TRMT1L: variants seen among roughly 807,000 people sequenced by gnomAD.
TRMT1L encodes tRNA methyltransferase 1L.
Under a neutral mutation model 81.6 loss-of-function variants are expected in TRMT1L, and 28 were observed. The observed-to-expected ratio is 0.34, with a 90% CI of 0.25 to 0.47. The LOEUF (loss-of-function observed/expected upper bound fraction) is 0.47. Among genes scored for constraint, TRMT1L ranks in the 20% least tolerant of loss-of-function variants. The probability of loss-of-function intolerance (pLI) is 1.00; values close to 1 mark genes in which losing one functional copy is unlikely to be tolerated. For missense variants in TRMT1L, 739 were observed against 877.1 expected (o/e 0.84, Z 1.99); for synonymous variants, 301 against 303.2 (o/e 0.99, Z 0.07).
chr1:185,128,046 G>T (rs148123303), intron 11 of TRMT1L, among the ~76,000 whole-genome samples: 2 of 151,830 alleles, frequency 1.3e-5, no homozygotes, highest in African/African-American at 4.8e-5. Flanking sequence ...CCTAGGAGGT[G>T]GAGGTTGCAG....
chr1:185,148,957 A>G (rs1224196336), intron 3 of TRMT1L, among the ~76,000 whole-genome samples: 1 of 152,146 alleles, frequency 6.6e-6, no homozygotes, highest in African/African-American at 2.4e-5. Context: ...CATATTTTAC[A>G]ATTTCTGTGC....
chr1:185,136,920 CTCTT>C (rs1434253510), intron 10 of TRMT1L, among the ~76,000 whole-genome samples: 2 of 152,084 alleles, frequency 1.3e-5, no homozygotes, highest in South Asian at 2.1e-4. Context: ...AATAGGAAAG[CTCTT>C]TCTAACTACA....
chr1:185,139,639 TGTAA>T, intron 8 of TRMT1L, 60 bp from the exon 9 acceptor site: 1 of 1,123,568 alleles, frequency 8.9e-7, no homozygotes. Flanking sequence ...ATTATACCAC[TGTAA>T]TTATTTCTAA....
chr1:185,127,743 G>C (rs1164660677), intron 11 of TRMT1L, among the ~76,000 whole-genome samples: 1 of 122,658 alleles, frequency 8.2e-6, no homozygotes, highest in African/African-American at 3.2e-5. Context: ...TGGGCAACAA[G>C]AGTGAAACTC....
rs1160375493 is a variant in TRMT1L, at chr1:185,118,203, A to G, written c.*1816T>C. ...TTACTACTATTGTTACGAGAATAAGATTGCTCAGGTTGCTAAAAGGAATTT... is the reference window on the plus strand; with the variant it reads ...TTACTACTATTGTTACGAGAATAAGGTTGCTCAGGTTGCTAAAAGGAATTT... On this transcript the variant is annotated 3_prime_UTR_variant, in exon 15 of 15. Coordinates refer to ENST00000367506, the MANE Select transcript of TRMT1L (RefSeq NM_030934.5). 2 of 152,196 alleles carry G rather than the reference A, an allele frequency of 1.3e-5. No individual in the cohort carries two copies. The highest frequency in any genetic ancestry group is 2.9e-5 in the Non-Finnish European group (2 of 68,030). 9.4% of individuals were successfully genotyped at this position (152,196 alleles called of 1,614,324 possible).
chr1:185,119,326 T>C lies in TRMT1L; in HGVS notation c.*693A>G, dbSNP rs1434802913. 6.6e-6 allele frequency: 1 copy of C among 152,168 alleles called. No homozygotes were observed. The highest frequency in any genetic ancestry group is 1.5e-5 in the Non-Finnish European group (1 of 68,014). The allele number at this position is 152,168 out of a possible 1,614,324, so 9.4% of individuals were successfully genotyped here. A position where few individuals can be genotyped will look rare whatever the true frequency, so the allele number is the denominator to read the frequency against. On this transcript the variant is annotated 3_prime_UTR_variant, in exon 15 of 15. Transcript: ENST00000367506. ...CTCCTCTTCAGGATTTCAGTGCTCATGAACAAGTATTATATTAGATTAATG... is the reference window on the plus strand; with the variant it reads ...CTCCTCTTCAGGATTTCAGTGCTCACGAACAAGTATTATATTAGATTAATG...
intron 10 of TRMT1L, among the ~76,000 whole-genome samples, chr1:185,133,193 T>C (rs752720038): frequency 6.6e-6 from 1 of 152,182 alleles, no homozygotes; most frequent in Non-Finnish European, 1.5e-5. Context: ...AAGAGTTGCA[T>C]AAGAAAGGAA....
intron 11 of TRMT1L, among the ~76,000 whole-genome samples, chr1:185,128,016 AGG>A (rs1362280387): frequency 6.6e-6 from 1 of 151,942 alleles, no homozygotes; most frequent in African/African-American, 2.4e-5. Context: ...CAGGAGGCTG[AGG>A]CAGGAGAATC....
chr1:185,150,694 A>G (rs1193912678), intron 2 of TRMT1L, among the ~76,000 whole-genome samples: 2 of 149,946 alleles, frequency 1.3e-5, no homozygotes, highest in Non-Finnish European at 3.0e-5. Context: ...TTTTCACCCT[A>G]AAATTTCCCT....
At chr1:185,142,625 C>G (rs1200275214) in intron 7 of TRMT1L, among the ~76,000 whole-genome samples, 2 of 149,318 alleles carry the variant, frequency 1.3e-5, no homozygotes, top group Non-Finnish European at 3.0e-5. Context: ...CAGGTGCTGC[C>G]TGATTGCAGC....
intron 12 of TRMT1L, among the ~76,000 whole-genome samples, 177 bp from the exon 13 acceptor site, chr1:185,124,096 T>G (rs1472367367): frequency 2.6e-5 from 4 of 151,734 alleles, no homozygotes; most frequent in Non-Finnish European, 5.9e-5. Flanking sequence ...AATAGCAGTT[T>G]CTAATTATTT....
chr1:185,156,878 T>G lies in TRMT1L; in HGVS notation c.-166A>C. The G allele has an allele frequency of 4.3e-6, 4 of 928,190 alleles. No homozygotes were observed. The highest frequency in any genetic ancestry group is 1.7e-5 in the African/African-American group (1 of 57,448). 57.5% of individuals were successfully genotyped at this position (928,190 alleles called of 1,614,324 possible). On this transcript the variant is annotated 5_prime_UTR_variant, in exon 1 of 15. Coordinates refer to ENST00000367506, the MANE Select transcript of TRMT1L (RefSeq NM_030934.5). ...AAAAGATGAAGAACCAGTGACCAAATCCTGTTAGTAGAAAACAGAAAGCCA... is the reference window on the plus strand; with the variant it reads ...AAAAGATGAAGAACCAGTGACCAAAGCCTGTTAGTAGAAAACAGAAAGCCA...
intron 10 of TRMT1L, among the ~76,000 whole-genome samples, chr1:185,130,325 G>A (rs1652736783): frequency 2.0e-5 from 3 of 152,170 alleles, no homozygotes; most frequent in Non-Finnish European, 4.4e-5. Flanking sequence ...CTCTCTCTCT[G>A]CTGTCTCTTA....
chr1:185,137,531 T>C, intron 10 of TRMT1L, 75 bp downstream of exon 10: 1 of 1,376,396 alleles, frequency 7.3e-7, no homozygotes, highest in Non-Finnish European at 1.0e-6. Flanking sequence ...GACAACAATA[T>C]GTATAATTAG....
chr1:185,140,907 G>A (rs116459275), intron 7 of TRMT1L, among the ~76,000 whole-genome samples: 1,960 of 150,528 alleles, frequency 0.013, 32 homozygotes, highest in African/African-American at 0.046. Flanking sequence ...ACCTCCTAGA[G>A]GTCCAGACTG....
In TRMT1L at chr1:185,156,763, G is replaced by A. The variant is rs1230225631; in HGVS notation, c.-51C>T. 1.9e-6 allele frequency: 3 copies of A among 1,605,266 alleles called. No individual in the cohort carries two copies. The Admixed American group carries it at 5.1e-5, about 27-fold the overall frequency. ...CCCGGGGACCCGGAGCGGGGCTCAC[G>A]GCGGGGTCAGAGAACTGACGTGAAT... is the stretch of plus-strand genomic sequence containing the variant. On this transcript the variant is annotated 5_prime_UTR_variant, in exon 1 of 15. Transcript: ENST00000367506.
At chr1:185,121,835 C>A (rs552020177) in intron 13 of TRMT1L, among the ~76,000 whole-genome samples, 15 of 151,608 alleles carry the variant, frequency 9.9e-5, no homozygotes, top group Non-Finnish European at 2.1e-4. Context: ...AGGTTTGTTA[C>A]GTGGGTATAT....
At chr1:185,132,071 G>A (rs1652784311) in intron 10 of TRMT1L, among the ~76,000 whole-genome samples, 1 of 152,008 alleles carries the variant, frequency 6.6e-6, no homozygotes, top group Non-Finnish European at 1.5e-5. Flanking sequence ...AACCTGGGAG[G>A]CAGAGGTTGC....
intron 3 of TRMT1L, among the ~76,000 whole-genome samples, chr1:185,148,591 T>A (rs930099887): frequency 9.9e-5 from 15 of 151,998 alleles, no homozygotes; most frequent in African/African-American, 3.1e-4. Flanking sequence ...GAGAACCACA[T>A]CCATGAGTAA....
Sources: allele counts gnomAD v4.1 joint callset (sites outside exome capture counted in the v4.1 genomes callset), GRCh38; gene constraint gnomAD v4.1.1; transcripts MANE v1.5; gene names NCBI Gene and HGNC (gene_info 2026-07-23, HGNC 2026-07-21).